SHANK2: variants seen among roughly 807,000 people sequenced by gnomAD.
The protein encoded by SHANK2 is SH3 and multiple ankyrin repeat domains protein 2.
In SHANK2, 43 loss-of-function variants were observed where a neutral mutation model predicts 133.7. The ratio of observed to expected loss-of-function variants is 0.32; its 90% CI spans 0.25 to 0.41. The LOEUF (loss-of-function observed/expected upper bound fraction) is 0.41, where lower values mean the gene tolerates loss of function less well. SHANK2 is among the 10% of genes least tolerant of loss of function. SHANK2 has a pLI of 1.00. For missense variants in SHANK2, 1,994 were observed against 2,235.8 expected (o/e 0.89, Z 2.18); for synonymous variants, 1,017 against 952.8 (o/e 1.07, Z -1.24).
At chr11:70,952,047 G>T (rs4132533) in intron 10 of SHANK2, among the ~76,000 whole-genome samples, 1 of 151,962 alleles carries the variant, frequency 6.6e-6, no homozygotes, top group African/African-American at 2.4e-5. Context: ...AATTTACGGG[G>T]CAAACGCTTT....
intron 9 of SHANK2, among the ~76,000 whole-genome samples, chr11:71,060,093 A>C (rs969085357): frequency 2.6e-5 from 4 of 151,952 alleles, no homozygotes; most frequent in African/African-American, 9.7e-5. Flanking sequence ...TGGTTTCCCC[A>C]CCCTCTGACA....
chr11:70,653,849 G>T (rs553405688), intron 17 of SHANK2, among the ~76,000 whole-genome samples: 1 of 152,250 alleles, frequency 6.6e-6, no homozygotes, highest in South Asian at 2.1e-4. Context: ...GGCCATGCTG[G>T]TCTCGAACTC....
intron 11 of SHANK2, among the ~76,000 whole-genome samples, chr11:70,865,961 C>G (rs78650510): frequency 0.047 from 7,226 of 152,218 alleles, 513 homozygotes; most frequent in African/African-American, 0.16. Flanking sequence ...GGCAGTCCCA[C>G]CCTCGGGCAC....
intron 17 of SHANK2, among the ~76,000 whole-genome samples, chr11:70,542,257 C>T (rs1368837788): frequency 4.6e-5 from 7 of 152,184 alleles, no homozygotes; most frequent in African/African-American, 9.7e-5. Flanking sequence ...AGATCATCCT[C>T]GGTTACTGAA....
intron 9 of SHANK2, among the ~76,000 whole-genome samples, chr11:71,058,003 T>A (rs1220597197): frequency 7.4e-6 from 1 of 135,960 alleles, no homozygotes; most frequent in Non-Finnish European, 1.5e-5. Flanking sequence ...AGCCTCGACC[T>A]CCCACCTCAA....
rs192316635 is a variant in SHANK2 at position 70,619,990 on chromosome 11, A to G, written c.2061+39838T>C. 2.0e-5 allele frequency among the ~76,000 whole-genome samples: 3 copies of G among 152,276 alleles called. No homozygotes were observed. In the East Asian group the frequency reaches 5.8e-4, roughly 29 times the overall value. On this transcript the variant is annotated intron_variant, in intron 17 of 25. Transcript: ENST00000601538. ...AAAGTACCCCGGAACTTAGAAGGAC[A>G]CTTGAGGACCTTGTTTAAGACTGGA...
intron 17 of SHANK2, among the ~76,000 whole-genome samples, chr11:70,523,638 A>G (rs1001234298): frequency 1.3e-5 from 2 of 151,994 alleles, no homozygotes; most frequent in Non-Finnish European, 2.9e-5. Context: ...TGTCCTTCCC[A>G]TGTACCCTGT....
rs1414349160 is a variant in SHANK2, at chr11:70,535,171, C to A, written c.2062-32240G>T. ...CCACGAACACCTTCCTCCCTCCCAC[C>A]CTCTATTATCCATTTTCCATCCATC... On this transcript the variant is annotated intron_variant, in intron 17 of 25. Transcript: ENST00000601538. The surrounding 1 kb of genome is among the most constrained non-coding windows in gnomAD (Gnocchi z 4.3). Among the ~76,000 whole-genome samples, 2 of 152,126 alleles carry A rather than the reference C, an allele frequency of 1.3e-5. No homozygotes were observed. The highest frequency in any genetic ancestry group is 1.3e-4 in the Admixed American group (2 of 15,274).
intron 11 of SHANK2, among the ~76,000 whole-genome samples, chr11:70,852,623 T>C (rs1949103612): frequency 6.6e-6 from 1 of 152,148 alleles, no homozygotes; most frequent in South Asian, 2.1e-4. Context: ...GGTGGGCGGA[T>C]CACGAGGTCA....
At chr11:70,633,986 C>G (rs1268121703) in intron 17 of SHANK2, 1 of 152,266 alleles carries the variant, frequency 6.6e-6, no homozygotes, top group African/African-American at 2.4e-5. Flanking sequence ...CCAACCTACC[C>G]TGTCCCTCTA....
intron 10 of SHANK2, among the ~76,000 whole-genome samples, chr11:70,906,095 G>C (rs1481834425): frequency 6.6e-6 from 1 of 152,182 alleles, no homozygotes; most frequent in Admixed American, 6.5e-5. Flanking sequence ...TCACAGGATT[G>C]CACCCAGCTC....
chr11:71,175,549 AGGG>A lies in SHANK2; in HGVS notation c.-12-28214_-12-28212del, dbSNP rs781984952. Among the ~76,000 whole-genome samples the A allele has an allele frequency of 2.3e-4, 4 of 17,490 alleles. No homozygotes were observed. The highest frequency in any genetic ancestry group is 3.0e-4 in the Non-Finnish European group (2 of 6,562). The allele number at this position is 17,490 out of a possible 152,430, so 11.5% of individuals were successfully genotyped here. A position where few individuals can be genotyped will look rare whatever the true frequency, so the allele number is the denominator to read the frequency against. ...GACAGACAGACAGAGGGAGAGGGAGAGGGAGAGAGAGAGAGAGAGAGAGAGAGA... is the reference window on the plus strand; with the variant it reads ...GACAGACAGACAGAGGGAGAGGGAGAAGAGAGAGAGAGAGAGAGAGAGAGA... On this transcript the variant is annotated intron_variant, in intron 2 of 25. Coordinates refer to ENST00000601538, the MANE Select transcript of SHANK2 (RefSeq NM_012309.5). This position sits in a 1 kb window ranked among gnomAD's most constrained non-coding sequence, Gnocchi z 4.2.
In SHANK2 at chr11:70,471,221, G is replaced by A. The variant is rs1195629038; in HGVS notation, c.*1648C>T. On this transcript the variant is annotated 3_prime_UTR_variant, in exon 26 of 26. Transcript: ENST00000601538. The surrounding 1 kb of genome is among the most constrained non-coding windows in gnomAD (Gnocchi z 4.1). ...AAGATTTTAAATTGCTAAATTTTAT[G>A]TGTTCATTCTAGAGCTGTTCCAGAC... The A allele has an allele frequency of 1.0e-5, 4 of 397,412 alleles. No individual in the cohort carries two copies. The highest frequency in any genetic ancestry group is 1.8e-5 in the Non-Finnish European group (4 of 225,826). The allele number at this position is 397,412 out of a possible 1,614,324, so 24.6% of individuals were successfully genotyped here.
chr11:70,560,311 A>G (rs1426945655), intron 17 of SHANK2, among the ~76,000 whole-genome samples: 1 of 152,186 alleles, frequency 6.6e-6, no homozygotes, highest in African/African-American at 2.4e-5. Flanking sequence ...ACAAACTAGG[A>G]ATAAATAGAA....
At chr11:71,213,218 G>A (rs1954322152) in intron 2 of SHANK2, among the ~76,000 whole-genome samples, 1 of 152,138 alleles carries the variant, frequency 6.6e-6, no homozygotes, top group Non-Finnish European at 1.5e-5. Flanking sequence ...GAGGGGCCAG[G>A]CACAGGGAGG....
chr11:70,914,836 C>A (rs192187837), intron 10 of SHANK2, among the ~76,000 whole-genome samples: 316 of 149,268 alleles, frequency 2.1e-3, no homozygotes, highest in South Asian at 0.011. Flanking sequence ...GAATTTGAGG[C>A]TGCAGTGAGC....
At chr11:70,698,177 C>T (rs1163860743) in intron 15 of SHANK2, 1 of 177,590 alleles carries the variant, frequency 5.6e-6, no homozygotes, top group East Asian at 1.5e-4. Flanking sequence ...TCTTTCCACA[C>T]ATCAGACGAA....
At chr11:71,150,683 C>T (rs1952779475) in intron 2 of SHANK2, among the ~76,000 whole-genome samples, 1 of 151,980 alleles carries the variant, frequency 6.6e-6, no homozygotes, top group Admixed American at 6.6e-5. Flanking sequence ...AAGAAAGGCG[C>T]CATGCCATGG....
chr11:70,868,546 G>T (rs1459820333), intron 11 of SHANK2, among the ~76,000 whole-genome samples: 1 of 152,190 alleles, frequency 6.6e-6, no homozygotes, highest in Non-Finnish European at 1.5e-5. Context: ...AAGTCACACA[G>T]CCTGTGAAGG....
Sources: allele counts gnomAD v4.1 joint callset (sites outside exome capture counted in the v4.1 genomes callset), GRCh38; gene constraint gnomAD v4.1.1; non-coding constraint Gnocchi (gnomAD v3.1); transcripts MANE v1.5; gene names NCBI Gene and HGNC (gene_info 2026-07-23, HGNC 2026-07-21).